GRIN2A: variants seen among roughly 807,000 people sequenced by gnomAD.
GRIN2A encodes the protein glutamate receptor ionotropic, NMDA 2A.
Under a neutral mutation model 113.4 loss-of-function variants are expected in GRIN2A, and 22 were observed. The ratio of observed to expected loss-of-function variants is 0.19; its 90% CI spans 0.14 to 0.28. GRIN2A has a LOEUF of 0.28. Ranked by LOEUF, GRIN2A falls within the 10% of genes least tolerant of loss-of-function variation. The pLI is 1.00. For missense variants in GRIN2A, 1,502 were observed against 1,887.0 expected (o/e 0.80, Z 3.78); for synonymous variants, 827 against 738.4 (o/e 1.12, Z -1.94).
chr16:10,129,515 G>A (rs2049019246), intron 2 of GRIN2A, among the ~76,000 whole-genome samples: 1 of 152,164 alleles, frequency 6.6e-6, no homozygotes, highest in Admixed American at 6.6e-5. Context: ...AGTCAGCAAT[G>A]TTTGAGACGA....
intron 2 of GRIN2A, among the ~76,000 whole-genome samples, chr16:10,058,517 G>T (rs2047495017): frequency 6.6e-6 from 1 of 152,118 alleles, no homozygotes; most frequent in Non-Finnish European, 1.5e-5. Flanking sequence ...ATGATAATGT[G>T]ATAAGAAATA....
chr16:10,046,033 A>G (rs1311611960), intron 2 of GRIN2A, among the ~76,000 whole-genome samples: 1 of 152,184 alleles, frequency 6.6e-6, no homozygotes, highest in African/African-American at 2.4e-5. Context: ...CCAGACTATT[A>G]CCCTTCGGGG....
intron 3 of GRIN2A, among the ~76,000 whole-genome samples, chr16:9,903,294 C>T (rs539955543): frequency 6.6e-6 from 1 of 152,110 alleles, no homozygotes; most frequent in Non-Finnish European, 1.5e-5. Flanking sequence ...ATCCATTCCT[C>T]ATGTGACAGC....
chr16:9,995,621 A>T (rs2141828830), intron 2 of GRIN2A, among the ~76,000 whole-genome samples: 1 of 152,234 alleles, frequency 6.6e-6, no homozygotes, highest in East Asian at 1.9e-4. Flanking sequence ...TTCCCCAAAC[A>T]CATAAATCAC....
At chr16:10,143,955 G>C (rs1343132297) in intron 2 of GRIN2A, among the ~76,000 whole-genome samples, 3 of 152,076 alleles carry the variant, frequency 2.0e-5, no homozygotes, top group Non-Finnish European at 4.4e-5. Flanking sequence ...AACAGAGTGA[G>C]ACTCTGTCTC....
intron 5 of GRIN2A, among the ~76,000 whole-genome samples, chr16:9,843,261 C>T (rs1342424581): frequency 6.6e-6 from 1 of 152,142 alleles, no homozygotes; most frequent in Admixed American, 6.5e-5. Context: ...CAGACACACA[C>T]ACACGCATCA....
At chr16:10,176,003 CTT>C (rs34994079) in intron 2 of GRIN2A, among the ~76,000 whole-genome samples, 17 of 125,826 alleles carry the variant, frequency 1.4e-4, no homozygotes, top group Admixed American at 2.5e-4. Context: ...AATTTTCCTT[CTT>C]TTTTTTTTTT....
chr16:10,032,354 A>AT (rs1332749725), intron 2 of GRIN2A, among the ~76,000 whole-genome samples: 7 of 152,122 alleles, frequency 4.6e-5, no homozygotes, highest in African/African-American at 9.7e-5. Context: ...AAATTAAGTG[A>AT]TTTTTTTTAA....
intron 2 of GRIN2A, among the ~76,000 whole-genome samples, chr16:9,961,620 G>T (rs771083006): frequency 1.4e-4 from 21 of 152,158 alleles, no homozygotes; most frequent in Admixed American, 4.6e-4. Context: ...TCTTTGCAAT[G>T]TATCTATGTA....
At chr16:9,982,567 C>A (rs988072626) in intron 2 of GRIN2A, among the ~76,000 whole-genome samples, 1 of 152,174 alleles carries the variant, frequency 6.6e-6, no homozygotes, top group Non-Finnish European at 1.5e-5. Flanking sequence ...GTTTTCAGAA[C>A]AATGAATTGG....
chr16:9,974,580 C>A (rs1415573068), intron 2 of GRIN2A, among the ~76,000 whole-genome samples: 1 of 152,148 alleles, frequency 6.6e-6, no homozygotes, highest in Non-Finnish European at 1.5e-5. Flanking sequence ...TGCCGATGCT[C>A]GCGGCCGAAT....
At chr16:9,996,316 A>G (rs369047963) in intron 2 of GRIN2A, among the ~76,000 whole-genome samples, 1 of 152,126 alleles carries the variant, frequency 6.6e-6, no homozygotes, top group African/African-American at 2.4e-5. Context: ...CTCTTCTACC[A>G]CATTGCATTG....
At chr16:10,015,764 A>G (rs532155151) in intron 2 of GRIN2A, among the ~76,000 whole-genome samples, 1 of 152,238 alleles carries the variant, frequency 6.6e-6, no homozygotes, top group Non-Finnish European at 1.5e-5. Flanking sequence ...GAGGTGCAAC[A>G]ACTCAGCCCC....
Position 9,762,658 on chromosome 16 carries a change from T to G in GRIN2A, c.*491A>C. ...CTTCCTAATCTCTTGCACATGTCAA[T>G]CGCACTACAGTGCAGATGCATTCTT... On this transcript the variant is annotated 3_prime_UTR_variant, in exon 13 of 13. Transcript: ENST00000330684. The G allele has an allele frequency of 4.0e-6, 1 of 251,180 alleles. No homozygotes were observed. The highest frequency in any genetic ancestry group is 5.7e-5 in the East Asian group (1 of 17,428). 15.6% of individuals were successfully genotyped at this position (251,180 alleles called of 1,614,324 possible).
At chr16:9,988,276 T>TGTGTGC (rs60653699) in intron 2 of GRIN2A, among the ~76,000 whole-genome samples, 33,667 of 138,876 alleles carry the variant, frequency 0.24, 4,044 homozygotes, top group African/African-American at 0.34. Flanking sequence ...GGGGTGTGTG[T>TGTGTGC]GTGTGTGCGT....
At chr16:10,148,701 C>G (rs1224589768) in intron 2 of GRIN2A, among the ~76,000 whole-genome samples, 2 of 152,154 alleles carry the variant, frequency 1.3e-5, no homozygotes, top group African/African-American at 4.8e-5. Context: ...TAACATATGA[C>G]CCAGCAATCC....
chr16:10,021,148 G>C (rs1479035148), intron 2 of GRIN2A, among the ~76,000 whole-genome samples: 1 of 152,128 alleles, frequency 6.6e-6, no homozygotes, highest in Non-Finnish European at 1.5e-5. Flanking sequence ...CACTGGGTGG[G>C]TGGGAGAGGG....
rs967899558 is a variant in GRIN2A at position 9,890,889 on chromosome 16, T to C, written c.1122+97A>G. ...GCTGTGAGATGGGATCTAGAGCAGC[T>C]CAACAGGAAATGCGTGGGAGAAAGA... On this transcript the variant is annotated intron_variant, in intron 4 of 12. Transcript: ENST00000330684. 1.9e-5 allele frequency: 15 copies of C among 806,266 alleles called. No individual in the cohort carries two copies. In the East Asian group the frequency reaches 3.7e-4, roughly 20 times the overall value. The allele number at this position is 806,266 out of a possible 1,614,324, so 49.9% of individuals were successfully genotyped here.
intron 2 of GRIN2A, among the ~76,000 whole-genome samples, chr16:10,084,167 C>T (rs1241680300): frequency 6.6e-6 from 1 of 152,156 alleles, no homozygotes; most frequent in Non-Finnish European, 1.5e-5. Context: ...AGGCTTAGAA[C>T]CTGGTGACAT....
Sources: allele counts gnomAD v4.1 joint callset (sites outside exome capture counted in the v4.1 genomes callset), GRCh38; gene constraint gnomAD v4.1.1; transcripts MANE v1.5; gene names NCBI Gene and HGNC (gene_info 2026-07-23, HGNC 2026-07-21).